PRKAG2: variants seen among roughly 807,000 people sequenced by gnomAD.
The protein encoded by PRKAG2 is 5'-AMP-activated protein kinase subunit gamma-2.
In PRKAG2, 26 loss-of-function variants were observed where a neutral mutation model predicts 69.6. The observed-to-expected ratio is 0.37, with a 90% CI of 0.27 to 0.52. The LOEUF is 0.52. Ranked by LOEUF, PRKAG2 falls within the 20% of genes least tolerant of loss-of-function variation. PRKAG2 has a pLI of 0.90. For missense variants in PRKAG2, 557 were observed against 740.0 expected (o/e 0.75, Z 2.87); for synonymous variants, 293 against 285.0 (o/e 1.03, Z -0.28).
chr7:151,864,200 G>A (rs1055590544), intron 1 of PRKAG2, among the ~76,000 whole-genome samples: 15 of 152,202 alleles, frequency 9.9e-5, no homozygotes, highest in African/African-American at 3.6e-4. Flanking sequence ...CACAGGGCCG[G>A]CAGATGGCAA....
chr7:151,741,758 TA>T (rs1231477557), intron 3 of PRKAG2, among the ~76,000 whole-genome samples: 1 of 152,162 alleles, frequency 6.6e-6, no homozygotes, highest in African/African-American at 2.4e-5. Flanking sequence ...ACCAGCAACT[TA>T]GGCAGGCCTG....
chr7:151,605,093 C>T (rs896480852), intron 5 of PRKAG2, among the ~76,000 whole-genome samples: 4 of 152,100 alleles, frequency 2.6e-5, no homozygotes, highest in Non-Finnish European at 1.5e-5. Flanking sequence ...CTCAACTCAT[C>T]GCAACCTCCA....
In PRKAG2 at chr7:151,808,558, G is replaced by A. The variant is rs537601300; in HGVS notation, c.115-22017C>T. ...CAGCAGACGGGCGAGACCCAGGAAC[G>A]TGTACTGTAACAAGAGAGTCTAGTG... is the stretch of plus-strand genomic sequence containing the variant. On this transcript the variant is annotated intron_variant, in intron 1 of 15. Coordinates refer to ENST00000287878, the MANE Select transcript of PRKAG2 (RefSeq NM_016203.4). Among the ~76,000 whole-genome samples the A allele has an allele frequency of 6.3e-4, 96 of 151,950 alleles. 1 individual carries two copies. Among genetic ancestry groups the A allele is most frequent in the South Asian group, 2.1e-3 (10 of 4,806 alleles).
At chr7:151,798,031 G>C (rs1455189654) in intron 1 of PRKAG2, among the ~76,000 whole-genome samples, 2 of 152,346 alleles carry the variant, frequency 1.3e-5, no homozygotes, top group East Asian at 3.9e-4. Flanking sequence ...CTGAGACAGA[G>C]TCTTGCTCTG....
intron 1 of PRKAG2, among the ~76,000 whole-genome samples, chr7:151,830,509 G>A (rs577738788): frequency 7.2e-5 from 11 of 152,112 alleles, no homozygotes; most frequent in African/African-American, 2.6e-4. Context: ...AACACACGGA[G>A]CTGGAAGGAC....
chr7:151,695,354 C>T (rs951557157), intron 3 of PRKAG2, among the ~76,000 whole-genome samples: 7 of 152,172 alleles, frequency 4.6e-5, no homozygotes, highest in Admixed American at 3.3e-4. Context: ...TGATAAACAC[C>T]CATCCACTTC....
At chr7:151,769,281 C>T (rs2075901888) in intron 3 of PRKAG2, among the ~76,000 whole-genome samples, 1 of 152,192 alleles carries the variant, frequency 6.6e-6, no homozygotes, top group African/African-American at 2.4e-5. Flanking sequence ...TTAGACAGTG[C>T]CCCCACTAAT....
Position 151,850,794 on chromosome 7 carries a change from G to A in PRKAG2, c.114+25713C>T, listed in dbSNP as rs184331917. ...TGTGCAAATCAGTTCAGCTCAGTGA[G>A]TTTTAATTCAGTGTCTACTTTGATG... On this transcript the variant is annotated intron_variant, in intron 1 of 15. Coordinates refer to ENST00000287878, the MANE Select transcript of PRKAG2 (RefSeq NM_016203.4). The surrounding 1 kb of genome is among the most constrained non-coding windows in gnomAD (Gnocchi z 4.1). 6.6e-6 allele frequency among the ~76,000 whole-genome samples: 1 copy of A among 152,340 alleles called. No individual in the cohort carries two copies. Among genetic ancestry groups the A allele is most frequent in the African/African-American group, 2.4e-5 (1 of 41,578 alleles).
chr7:151,754,680 A>T (rs1367881678), intron 3 of PRKAG2, among the ~76,000 whole-genome samples: 1 of 151,868 alleles, frequency 6.6e-6, no homozygotes, highest in Non-Finnish European at 1.5e-5. Flanking sequence ...CTTTGGCTTC[A>T]TATAGTCCCT....
chr7:151,747,429 C>A (rs570445306), intron 3 of PRKAG2, among the ~76,000 whole-genome samples: 1 of 152,002 alleles, frequency 6.6e-6, no homozygotes, highest in Non-Finnish European at 1.5e-5. Context: ...TGGTGGCGGG[C>A]GCCTGTAATC....
At chr7:151,816,663 T>G (rs1168393748) in intron 1 of PRKAG2, among the ~76,000 whole-genome samples, 4 of 152,164 alleles carry the variant, frequency 2.6e-5, no homozygotes, top group Non-Finnish European at 5.9e-5. Flanking sequence ...TTGGCGAAGA[T>G]CGAAGGGCCA....
At chr7:151,558,359 C>A (rs1804227805) in intron 15 of PRKAG2, 1 of 985,294 alleles carries the variant, frequency 1.0e-6, no homozygotes, top group Admixed American at 6.1e-5. Flanking sequence ...CAGTGCAGGT[C>A]CCGGGCACTG....
intron 1 of PRKAG2, among the ~76,000 whole-genome samples, chr7:151,806,175 C>A (rs1033386465): frequency 6.6e-6 from 1 of 152,190 alleles, no homozygotes; most frequent in African/African-American, 2.4e-5. Flanking sequence ...GGCGACAGAG[C>A]GAGACTCCGT....
In PRKAG2 at chr7:151,836,766, C is replaced by A. The variant is rs1422612214; in HGVS notation, c.114+39741G>T. 1.3e-5 allele frequency among the ~76,000 whole-genome samples: 2 copies of A among 152,214 alleles called. No individual in the cohort carries two copies. The highest frequency in any genetic ancestry group is 2.9e-5 in the Non-Finnish European group (2 of 68,036). On this transcript the variant is annotated intron_variant, in intron 1 of 15. Coordinates refer to ENST00000287878, the MANE Select transcript of PRKAG2 (RefSeq NM_016203.4). The surrounding 1 kb of genome is among the most constrained non-coding windows in gnomAD (Gnocchi z 4.1). ...GACCTAGCCCCTCGGGTCCCCTGCC[C>A]TCTCCTCCTGGCAGGTTCTCTGGCT...
chr7:151,701,287 A>G (rs1248140879), intron 3 of PRKAG2, among the ~76,000 whole-genome samples: 2 of 152,230 alleles, frequency 1.3e-5, no homozygotes, highest in African/African-American at 4.8e-5. Context: ...ATTTCTTTAT[A>G]AAATTCAAGT....
At position 151,583,253 on chromosome 7, in the gene PRKAG2, C is replaced by T. The variant is rs1810897061; in HGVS notation, c.865-6801G>A. Among the ~76,000 whole-genome samples the T allele has an allele frequency of 6.6e-6, 1 of 152,156 alleles. No homozygotes were observed. The highest frequency in any genetic ancestry group is 1.9e-4 in the East Asian group (1 of 5,188). On this transcript the variant is annotated intron_variant, in intron 6 of 15. Transcript: ENST00000287878. The surrounding 1 kb of genome is among the most constrained non-coding windows in gnomAD (Gnocchi z 4.1). ...CCCGGGCTGGTCTCAAACTCTAGGC[C>T]TCAAGTGATCCTCCTGCTTCAGCCT... is the stretch of plus-strand genomic sequence containing the variant.
At chr7:151,830,885 C>G (rs1263024175) in intron 1 of PRKAG2, among the ~76,000 whole-genome samples, 1 of 151,886 alleles carries the variant, frequency 6.6e-6, no homozygotes, top group Non-Finnish European at 1.5e-5. Context: ...TTCGAGTCAT[C>G]CAATGTCACT....
At chr7:151,713,332 C>G (rs1795616147) in intron 3 of PRKAG2, among the ~76,000 whole-genome samples, 1 of 152,140 alleles carries the variant, frequency 6.6e-6, no homozygotes, top group South Asian at 2.1e-4. Flanking sequence ...AAAGCAGACC[C>G]TTTTGTTTAA....
At position 151,870,286 on chromosome 7, in the gene PRKAG2, C is replaced by T. The variant is rs952632017; in HGVS notation, c.114+6221G>A. ...AATAGTACCCAGTTGTTTTTAAGCC[C>T]CAGTAGGTACAAGAATCACCGGAGA... On this transcript the variant is annotated intron_variant, in intron 1 of 15. Coordinates refer to ENST00000287878, the MANE Select transcript of PRKAG2 (RefSeq NM_016203.4). Among the ~76,000 whole-genome samples, 4 of 152,098 alleles carry T rather than the reference C, an allele frequency of 2.6e-5. No individual in the cohort carries two copies. In the South Asian group the frequency reaches 6.3e-4, roughly 24 times the overall value.
Sources: allele counts gnomAD v4.1 joint callset (sites outside exome capture counted in the v4.1 genomes callset), GRCh38; gene constraint gnomAD v4.1.1; non-coding constraint Gnocchi (gnomAD v3.1); transcripts MANE v1.5; gene names NCBI Gene and HGNC (gene_info 2026-07-23, HGNC 2026-07-21).